The following CYB5R4 variants were observed in gnomAD, a reference collection of about 807,000 sequenced individuals.
The protein encoded by CYB5R4 is cytochrome b5 reductase 4.
Under a neutral mutation model 70.2 loss-of-function variants are expected in CYB5R4, and 55 were observed. The ratio of observed to expected loss-of-function variants is 0.78; its 90% CI spans 0.63 to 0.98. CYB5R4 has a LOEUF of 0.98. Among genes scored for constraint, CYB5R4 ranks in the 50% least tolerant of loss-of-function variants. The pLI, the probability that CYB5R4 is intolerant of heterozygous loss-of-function variation, is 0.00. For synonymous variants in CYB5R4, 197 were observed against 199.5 expected (o/e 0.99, Z 0.11); for missense variants, 562 against 612.6 (o/e 0.92, Z 0.87).
In CYB5R4 at chr6:83,965,728, C is replaced by G. The variant is rs2129147764; in HGVS notation, c.*5850C>G. 6.6e-6 allele frequency: 1 copy of G among 152,194 alleles called. No individual in the cohort carries two copies. The highest frequency in any genetic ancestry group is 1.5e-5 in the Non-Finnish European group (1 of 68,012). The allele number at this position is 152,194 out of a possible 1,614,324, so 9.4% of individuals were successfully genotyped here. The stretch of plus-strand genomic sequence containing the variant: ...GGGATGATATGGTTTGGCTCTGTGT[C>G]CCCACCCAAATTTCATCTTGAATTA... On this transcript the variant is annotated 3_prime_UTR_variant, in exon 16 of 16. Transcript: ENST00000369681.
chr6:83,873,238 T>C (rs1264364802), intron 2 of CYB5R4, among the ~76,000 whole-genome samples: 2 of 140,980 alleles, frequency 1.4e-5, no homozygotes, highest in East Asian at 4.0e-4. Context: ...TATCCTTCTT[T>C]TTTTTTTTTT....
chr6:83,909,488 A>G (rs2099464336), intron 4 of CYB5R4, among the ~76,000 whole-genome samples: 2 of 152,176 alleles, frequency 1.3e-5, no homozygotes, highest in Admixed American at 1.3e-4. Flanking sequence ...TTCACTATAG[A>G]TAACCCCTAT....
chr6:83,873,775 G>C (rs1261008604), intron 2 of CYB5R4, among the ~76,000 whole-genome samples: 2 of 152,046 alleles, frequency 1.3e-5, no homozygotes, highest in South Asian at 2.1e-4. Flanking sequence ...CAATCTGCTC[G>C]GGGAACAGAA....
At chr6:83,873,568 CAT>C (rs2099458002) in intron 2 of CYB5R4, among the ~76,000 whole-genome samples, 1 of 152,092 alleles carries the variant, frequency 6.6e-6, no homozygotes, top group Non-Finnish European at 1.5e-5. Flanking sequence ...TTTGATGAAA[CAT>C]AGTTTTTGCT....
chr6:83,897,594 G>GCC (rs1284170691), intron 3 of CYB5R4, among the ~76,000 whole-genome samples: 109 of 152,308 alleles, frequency 7.2e-4, no homozygotes, highest in South Asian at 1.2e-3. Context: ...CATTCTAACT[G>GCC]GTGGGAGATG....
chr6:83,936,493 A>G (rs1197198185), intron 12 of CYB5R4, 117 bp downstream of exon 12: 10 of 842,152 alleles, frequency 1.2e-5, no homozygotes, highest in Non-Finnish European at 1.9e-5. Context: ...GTCTACAACC[A>G]AAGTTATCTT....
At position 83,875,130 on chromosome 6, in the gene CYB5R4, C is replaced by A. The variant is rs564656958; in HGVS notation, c.229+10802C>A. ...GCCACTGTGCCCGGCCGTCTTTATTCTTAAGTTTCAGGATATTAATGTACC... is the reference window on the plus strand; with the variant it reads ...GCCACTGTGCCCGGCCGTCTTTATTATTAAGTTTCAGGATATTAATGTACC... On this transcript the variant is annotated intron_variant, in intron 2 of 15. Coordinates refer to ENST00000369681, the MANE Select transcript of CYB5R4 (RefSeq NM_016230.4). Among the ~76,000 whole-genome samples, 22 of 152,248 alleles carry A rather than the reference C, an allele frequency of 1.4e-4. No individual in the cohort carries two copies. The South Asian group carries it at 4.1e-3, about 29-fold the overall frequency.
chr6:83,950,333 C>T (rs1588586856), intron 14 of CYB5R4, among the ~76,000 whole-genome samples: 1 of 152,068 alleles, frequency 6.6e-6, no homozygotes, highest in East Asian at 1.9e-4. Flanking sequence ...AAACATAAGG[C>T]AAATATGTGC....
intron 2 of CYB5R4, among the ~76,000 whole-genome samples, chr6:83,890,793 G>T (rs2099461012): frequency 6.6e-6 from 1 of 152,006 alleles, no homozygotes; most frequent in African/African-American, 2.4e-5. Flanking sequence ...TCAACATCAA[G>T]GCAAGACACT....
chr6:83,870,522 C>T (rs1375242687), intron 2 of CYB5R4, among the ~76,000 whole-genome samples: 1 of 151,426 alleles, frequency 6.6e-6, no homozygotes, highest in Non-Finnish European at 1.5e-5. Context: ...TTGTCCATAG[C>T]AGGGAAATTT....
At chr6:83,897,391 A>G (rs1263590526) in intron 3 of CYB5R4, among the ~76,000 whole-genome samples, 4 of 152,240 alleles carry the variant, frequency 2.6e-5, no homozygotes, top group Non-Finnish European at 5.9e-5. Context: ...AGCATGATTT[A>G]TAATCCTTTG....
Position 83,964,472 on chromosome 6 carries a change from G to T in CYB5R4, c.*4594G>T, listed in dbSNP as rs2099473781. The T allele has an allele frequency of 1.3e-5, 2 of 152,988 alleles. No homozygotes were observed. The highest frequency in any genetic ancestry group is 4.8e-5 in the African/African-American group (2 of 41,564). 9.5% of individuals were successfully genotyped at this position (152,988 alleles called of 1,614,324 possible). On this transcript the variant is annotated 3_prime_UTR_variant, in exon 16 of 16. Transcript: ENST00000369681. ...CTGAACTTGAGAGAGATGATTAAGGGTATCTGGTGGAAGAAATTTCTAAGC... is the reference window on the plus strand; with the variant it reads ...CTGAACTTGAGAGAGATGATTAAGGTTATCTGGTGGAAGAAATTTCTAAGC...
At chr6:83,883,706 A>G (rs563815330) in intron 2 of CYB5R4, among the ~76,000 whole-genome samples, 41 of 152,334 alleles carry the variant, frequency 2.7e-4, no homozygotes, top group Admixed American at 1.8e-3. Flanking sequence ...AAGTTCAGAT[A>G]TTTAGGAGGT....
chr6:83,904,155 C>G (rs775222745), intron 3 of CYB5R4, among the ~76,000 whole-genome samples: 4 of 152,044 alleles, frequency 2.6e-5, no homozygotes, highest in Admixed American at 6.6e-5. Flanking sequence ...AATCTGTCAA[C>G]TTTTTTGGAG....
intron 3 of CYB5R4, among the ~76,000 whole-genome samples, chr6:83,901,702 C>CTT (rs1166378570): frequency 6.5e-5 from 8 of 123,806 alleles, no homozygotes; most frequent in Admixed American, 3.7e-4. Flanking sequence ...TCTATTATTT[C>CTT]TTGTTTTTTT....
rs2099473137 is a variant in CYB5R4, at chr6:83,960,370, TTG to T, written c.*500_*501del. 1 of 152,846 alleles carries T rather than the reference TTG, an allele frequency of 6.5e-6. No individual in the cohort carries two copies. Among genetic ancestry groups the T allele is most frequent in the Non-Finnish European group, 1.5e-5 (1 of 68,208 alleles). The allele number at this position is 152,846 out of a possible 1,614,324, so 9.5% of individuals were successfully genotyped here. A position where few individuals can be genotyped will look rare whatever the true frequency, so the allele number is the denominator to read the frequency against. On this transcript the variant is annotated 3_prime_UTR_variant, in exon 16 of 16. Coordinates refer to ENST00000369681, the MANE Select transcript of CYB5R4 (RefSeq NM_016230.4). ...CTTATTAAGTGATCCAAACATTTTTTTGTGTGTGTATGGCATTGATGCAGAAT... is the reference window on the plus strand; with the variant it reads ...CTTATTAAGTGATCCAAACATTTTTTTGTGTGTATGGCATTGATGCAGAAT...
intron 3 of CYB5R4, among the ~76,000 whole-genome samples, chr6:83,902,357 C>G (rs975453269): frequency 6.6e-6 from 1 of 152,090 alleles, no homozygotes; most frequent in African/African-American, 2.4e-5. Context: ...TCTGGGTTCT[C>G]TGCTCTGTTC....
At chr6:83,887,187 AGTG>A (rs1171026867) in intron 2 of CYB5R4, among the ~76,000 whole-genome samples, 1 of 152,142 alleles carries the variant, frequency 6.6e-6, no homozygotes, top group Non-Finnish European at 1.5e-5. Flanking sequence ...TTTTTAAAAA[AGTG>A]GTGAGCTACT....
chr6:83,920,515 A>G (rs2099466201), intron 7 of CYB5R4, among the ~76,000 whole-genome samples: 4 of 152,124 alleles, frequency 2.6e-5, no homozygotes, highest in African/African-American at 4.8e-5. Context: ...AGGGAAAAGG[A>G]AAGGTTTCCA....
Sources: allele counts gnomAD v4.1 joint callset (sites outside exome capture counted in the v4.1 genomes callset), GRCh38; gene constraint gnomAD v4.1.1; transcripts MANE v1.5; gene names NCBI Gene and HGNC (gene_info 2026-07-23, HGNC 2026-07-21).